KLHL4: variants seen among roughly 807,000 people sequenced by gnomAD.
KLHL4 encodes kelch like family member 4, also known as kelch-like protein 4.
A neutral mutation model predicts 45.8 loss-of-function variants in KLHL4; 17 were observed. The ratio of observed to expected loss-of-function variants is 0.37; its 90% CI spans 0.25 to 0.56. The LOEUF (loss-of-function observed/expected upper bound fraction) is 0.56. Among genes scored for constraint, KLHL4 ranks in the 20% least tolerant of loss-of-function variants. KLHL4 has a pLI of 0.79. For missense variants in KLHL4, 544 were observed against 544.9 expected (o/e 1.00, Z 0.02); for synonymous variants, 224 against 189.9 (o/e 1.18, Z -1.47).
chrX:87,575,675 C>G (rs1921078599), intron 1 of KLHL4, among the ~76,000 whole-genome samples: 1 of 111,501 alleles, frequency 9.0e-6, no homozygotes, highest in African/African-American at 3.3e-5. Context: ...ATGCAAGACA[C>G]ATAGATGTTT....
At chrX:87,665,780 T>C (rs1924347817) in intron 10 of KLHL4, among the ~76,000 whole-genome samples, 1 of 111,555 alleles carries the variant, frequency 9.0e-6, no homozygotes. Context: ...AGGGTACAGC[T>C]ATCTATTGCT....
At chrX:87,623,436 G>A (rs2147819051) in intron 5 of KLHL4, among the ~76,000 whole-genome samples, 1 of 107,941 alleles carries the variant, frequency 9.3e-6, no homozygotes, top group Admixed American at 1.0e-4. Flanking sequence ...TGGGATTACA[G>A]GCATGTGCCA....
intron 5 of KLHL4, among the ~76,000 whole-genome samples, chrX:87,624,118 T>A (rs768192412): frequency 1.8e-5 from 2 of 112,208 alleles, no homozygotes; most frequent in Non-Finnish European, 3.8e-5. Flanking sequence ...CTTAAGTCTA[T>A]ATGACACTTT....
chrX:87,566,705 C>T (rs772810299), intron 1 of KLHL4, among the ~76,000 whole-genome samples: 1 of 111,394 alleles, frequency 9.0e-6, no homozygotes, highest in African/African-American at 3.3e-5. Context: ...ACTAGCAAAC[C>T]GAATCTAGCG....
At chrX:87,532,496 T>A (rs1396780193) in intron 1 of KLHL4, among the ~76,000 whole-genome samples, 1 of 106,848 alleles carries the variant, frequency 9.4e-6, no homozygotes, top group African/African-American at 3.4e-5. Flanking sequence ...TTGATGGGGA[T>A]GGCATTGAAT....
chrX:87,605,635 C>A (rs1023239109), intron 1 of KLHL4, among the ~76,000 whole-genome samples: 23 of 110,599 alleles, frequency 2.1e-4, no homozygotes, highest in African/African-American at 7.5e-4. Context: ...TTTGTGTAGT[C>A]TTTAGAGTTT....
At chrX:87,542,743 C>T (rs780111515) in intron 1 of KLHL4, among the ~76,000 whole-genome samples, 21 of 112,023 alleles carry the variant, frequency 1.9e-4, no homozygotes, top group African/African-American at 6.5e-4. Context: ...AGGGACTTGC[C>T]TTGTCTCATA....
At chrX:87,621,515 C>T (rs222063) in intron 4 of KLHL4, among the ~76,000 whole-genome samples, 38,720 of 84,761 alleles carry the variant, frequency 0.46, 5,822 homozygotes, top group Middle Eastern at 0.53. Flanking sequence ...GAAGGAGCTT[C>T]ACTCTACTAA....
chrX:87,624,755 C>T (rs1922868789), intron 5 of KLHL4, among the ~76,000 whole-genome samples: 1 of 112,006 alleles, frequency 8.9e-6, no homozygotes, highest in Admixed American at 9.5e-5. Flanking sequence ...TCACTTTTAT[C>T]AGTGTTAAAT....
In KLHL4 at chrX:87,584,696, A is replaced by G. The variant is rs957323799; in HGVS notation, c.423-29181A>G. Among the ~76,000 whole-genome samples, 76 of 110,453 alleles carry G rather than the reference A, an allele frequency of 6.9e-4. 2 individuals carry two copies. The highest frequency in any genetic ancestry group is 6.1e-4 in the Non-Finnish European group (32 of 52,869). Reference sequence around the variant, plus strand: ...GACAAAATAAAAAAAAAGAATAGAAAACAATGAAGCACACCTTCAGAAACC... The same window carrying G: ...GACAAAATAAAAAAAAAGAATAGAAGACAATGAAGCACACCTTCAGAAACC... On this transcript the variant is annotated intron_variant, in intron 1 of 10. Coordinates refer to ENST00000373119, the MANE Select transcript of KLHL4 (RefSeq NM_019117.5).
At chrX:87,573,273 C>T in intron 1 of KLHL4, among the ~76,000 whole-genome samples, 1 of 111,267 alleles carries the variant, frequency 9.0e-6, no homozygotes, top group South Asian at 3.7e-4. Context: ...ATTCCCTGTA[C>T]CTAGTGCATA....
chrX:87,547,453 T>C (rs951149511), intron 1 of KLHL4, among the ~76,000 whole-genome samples: 10 of 111,689 alleles, frequency 9.0e-5, no homozygotes, highest in Non-Finnish European at 1.7e-4. Context: ...ATTCATAAAT[T>C]ACTCAGTCTT....
chrX:87,609,399 C>G (rs1212806163), intron 1 of KLHL4, among the ~76,000 whole-genome samples: 1 of 111,688 alleles, frequency 9.0e-6, no homozygotes, highest in South Asian at 3.8e-4. Context: ...GTTCCTATTT[C>G]TCCACATCCT....
intron 1 of KLHL4, among the ~76,000 whole-genome samples, chrX:87,543,921 G>A (rs779182444): frequency 1.8e-5 from 2 of 111,304 alleles, no homozygotes; most frequent in Non-Finnish European, 3.8e-5. Flanking sequence ...AGTGATACTC[G>A]GGTACTACCT....
At chrX:87,563,516 A>G (rs1932142854) in intron 1 of KLHL4, among the ~76,000 whole-genome samples, 1 of 106,488 alleles carries the variant, frequency 9.4e-6, no homozygotes. Flanking sequence ...AGAATGCATC[A>G]GAGTCTCTCA....
In KLHL4 at chrX:87,668,464, G is replaced by A. The variant is rs1228581582; in HGVS notation, c.*1930G>A. ...AGAAGAGACATGTATGTTTCCCGGG[G>A]CTACCCCTTCATAGCTGCATTTAAA... is the stretch of plus-strand genomic sequence containing the variant. On this transcript the variant is annotated 3_prime_UTR_variant, in exon 11 of 11. Transcript: ENST00000373119. 1 of 751,737 alleles carries A rather than the reference G, an allele frequency of 1.3e-6. No homozygotes were observed. Among genetic ancestry groups the A allele is most frequent in the Non-Finnish European group, 1.6e-6 (1 of 638,341 alleles). 62.0% of individuals were successfully genotyped at this position (751,737 alleles called of 1,213,427 possible). A position where few individuals can be genotyped will look rare whatever the true frequency, so the allele number is the denominator to read the frequency against.
At chrX:87,626,995 A>G (rs965880382) in intron 6 of KLHL4, among the ~76,000 whole-genome samples, 2 of 111,657 alleles carry the variant, frequency 1.8e-5, no homozygotes, top group Non-Finnish European at 3.8e-5. Context: ...TTAAAGAGAG[A>G]GTTTGGAATG....
intron 6 of KLHL4, among the ~76,000 whole-genome samples, chrX:87,627,287 A>T (rs909636374): frequency 9.0e-6 from 1 of 111,217 alleles, no homozygotes; most frequent in African/African-American, 3.3e-5. Context: ...CATTCCAAGG[A>T]TGTAAAGTTT....
intron 1 of KLHL4, among the ~76,000 whole-genome samples, chrX:87,533,244 C>A (rs1459063502): frequency 4.7e-5 from 5 of 106,554 alleles, no homozygotes; most frequent in Non-Finnish European, 7.7e-5. Context: ...GCTATAAAGA[C>A]ACATGCACAC....
Sources: gnomAD v4.1 joint callset for allele counts (sites outside exome capture counted in the v4.1 genomes callset) on GRCh38, gnomAD v4.1.1 for gene constraint, MANE v1.5 for transcripts, NCBI Gene and HGNC (gene_info 2026-07-23, HGNC 2026-07-21) for gene names.